Variants in BRINP3 observed in about 807,000 individuals in gnomAD.
The protein encoded by BRINP3 is BMP/retinoic acid inducible neural specific 3, also known as BMP/retinoic acid-inducible neural-specific protein 3.
A neutral mutation model predicts 71.0 loss-of-function variants in BRINP3; 19 were observed. That is an observed-to-expected ratio of 0.27 (90% CI 0.19 to 0.39). The LOEUF is 0.39. Among genes scored for constraint, BRINP3 ranks in the 10% least tolerant of loss-of-function variants. The probability of loss-of-function intolerance (pLI) is 1.00; values close to 1 mark genes in which losing one functional copy is unlikely to be tolerated. For missense variants in BRINP3, 959 were observed against 940.8 expected, an observed-to-expected ratio of 1.02 and a Z score of -0.25; for synonymous variants, 380 against 337.7, an observed-to-expected ratio of 1.13 and a Z score of -1.37.
At chr1:190,159,516 A>G (rs1657160665) in intron 7 of BRINP3, among the ~76,000 whole-genome samples, 1 of 152,132 alleles carries the variant, frequency 6.6e-6, no homozygotes, top group Admixed American at 6.6e-5. Context: ...TACCCATACT[A>G]CTGATGCTAC....
chr1:190,260,329 T>C (rs775294787), intron 4 of BRINP3, among the ~76,000 whole-genome samples: 1 of 152,204 alleles, frequency 6.6e-6, no homozygotes, highest in South Asian at 2.1e-4. Flanking sequence ...GTATGTAAGA[T>C]GAAAAGATGA....
chr1:190,364,390 A>G (rs951488195), intron 2 of BRINP3, among the ~76,000 whole-genome samples: 39 of 152,182 alleles, frequency 2.6e-4, no homozygotes, highest in Admixed American at 2.0e-3. Context: ...ATATAAATAA[A>G]TATTTCTGGT....
intron 7 of BRINP3, among the ~76,000 whole-genome samples, chr1:190,110,495 A>G (rs1314737533): frequency 3.9e-5 from 6 of 152,226 alleles, no homozygotes; most frequent in Non-Finnish European, 5.9e-5. Context: ...TAAGATGGGC[A>G]TGTAACTCAT....
chr1:190,415,243 T>G (rs1672938145), intron 2 of BRINP3, among the ~76,000 whole-genome samples: 1 of 152,174 alleles, frequency 6.6e-6, no homozygotes, highest in Non-Finnish European at 1.5e-5. Context: ...TAAGTAAATC[T>G]TGGTGAAGCA....
intron 2 of BRINP3, among the ~76,000 whole-genome samples, chr1:190,417,557 T>C (rs1445471328): frequency 6.6e-6 from 1 of 152,188 alleles, no homozygotes; most frequent in East Asian, 1.9e-4. Flanking sequence ...ATTAAATATG[T>C]CTTTGTTATT....
chr1:190,461,040 ACAGT>A (rs1339955032), intron 1 of BRINP3, among the ~76,000 whole-genome samples: 1 of 152,190 alleles, frequency 6.6e-6, no homozygotes, highest in Admixed American at 6.5e-5. Flanking sequence ...TCTTTTTACT[ACAGT>A]CAGAGTGATC....
At chr1:190,145,354 C>G (rs1296087281) in intron 7 of BRINP3, among the ~76,000 whole-genome samples, 1 of 152,116 alleles carries the variant, frequency 6.6e-6, no homozygotes, top group Non-Finnish European at 1.5e-5. Flanking sequence ...ATTCCTTCTT[C>G]TTTATCAATT....
chr1:190,144,186 C>T (rs1291158774), intron 7 of BRINP3, among the ~76,000 whole-genome samples: 1 of 152,012 alleles, frequency 6.6e-6, no homozygotes, highest in East Asian at 1.9e-4. Flanking sequence ...AATGCAACCC[C>T]CTCCCCCTTT....
At chr1:190,166,939 G>A (rs1464402378) in intron 6 of BRINP3, among the ~76,000 whole-genome samples, 1 of 151,978 alleles carries the variant, frequency 6.6e-6, no homozygotes, top group African/African-American at 2.4e-5. Flanking sequence ...TGGCCAGGCT[G>A]GACTTGAACT....
chr1:190,110,332 T>C (rs1652556623), intron 7 of BRINP3, among the ~76,000 whole-genome samples: 1 of 152,054 alleles, frequency 6.6e-6, no homozygotes, highest in Admixed American at 6.5e-5. Context: ...CATAAAATAT[T>C]GTGAAAAAAA....
intron 7 of BRINP3, among the ~76,000 whole-genome samples, chr1:190,159,887 C>T (rs1036524434): frequency 3.3e-5 from 5 of 151,932 alleles, no homozygotes; most frequent in Non-Finnish European, 7.4e-5. Context: ...TACTAACCTT[C>T]AGGGTTTTTT....
chr1:190,154,659 C>T (rs1656707768), intron 7 of BRINP3, among the ~76,000 whole-genome samples: 1 of 152,020 alleles, frequency 6.6e-6, no homozygotes, highest in Non-Finnish European at 1.5e-5. Flanking sequence ...CATTTTGAAG[C>T]ATTTAAAAGA....
intron 2 of BRINP3, among the ~76,000 whole-genome samples, chr1:190,345,702 C>A (rs558642389): frequency 1.8e-3 from 242 of 133,266 alleles, no homozygotes; most frequent in Non-Finnish European, 2.8e-3. Flanking sequence ...AACCAAATAG[C>A]CATTTACCTT....
chr1:190,453,154 C>A (rs1675733515), intron 2 of BRINP3, among the ~76,000 whole-genome samples: 1 of 137,354 alleles, frequency 7.3e-6, no homozygotes, highest in African/African-American at 2.7e-5. Flanking sequence ...AACCCAGAAT[C>A]ATAAAATGTT....
chr1:190,345,052 AG>A (rs1427544157), intron 2 of BRINP3, among the ~76,000 whole-genome samples: 4 of 151,916 alleles, frequency 2.6e-5, no homozygotes, highest in African/African-American at 9.7e-5. Flanking sequence ...TATAAATTTC[AG>A]AACATTTTAT....
At chr1:190,338,712 C>T (rs1324345215) in intron 2 of BRINP3, among the ~76,000 whole-genome samples, 1 of 151,588 alleles carries the variant, frequency 6.6e-6, no homozygotes, top group Non-Finnish European at 1.5e-5. Flanking sequence ...TCTTGCTTAC[C>T]TGTACTATCT....
At chr1:190,364,691 G>C (rs1170643183) in intron 2 of BRINP3, among the ~76,000 whole-genome samples, 1 of 151,912 alleles carries the variant, frequency 6.6e-6, no homozygotes, top group Non-Finnish European at 1.5e-5. Context: ...ATAATTCTAA[G>C]ACATCTTGAG....
At chr1:190,443,000 C>T (rs572701087) in intron 2 of BRINP3, among the ~76,000 whole-genome samples, 2 of 149,574 alleles carry the variant, frequency 1.3e-5, no homozygotes, top group African/African-American at 4.9e-5. Flanking sequence ...GCAAACTCTG[C>T]CTCCCGGGTT....
Position 190,271,457 on chromosome 1 carries a change from G to A in BRINP3, c.428-6402C>T, listed in dbSNP as rs556887313. Among the ~76,000 whole-genome samples, 24 of 151,602 alleles carry A rather than the reference G, an allele frequency of 1.6e-4. 1 individual carries two copies. Among genetic ancestry groups the A allele is most frequent in the East Asian group, 3.9e-4 (2 of 5,172 alleles). ...TATCACTGGAATCTAGTAATAATTC[G>A]AAAGTTGTTAATATATTATTATTCT... On this transcript the variant is annotated intron_variant, in intron 3 of 7. Coordinates refer to ENST00000367462, the MANE Select transcript of BRINP3 (RefSeq NM_199051.3).
Sources: allele counts gnomAD v4.1 joint callset (sites outside exome capture counted in the v4.1 genomes callset), GRCh38; gene constraint gnomAD v4.1.1; transcripts MANE v1.5; gene names NCBI Gene and HGNC (gene_info 2026-07-23, HGNC 2026-07-21).